SLC22A7: variants seen among roughly 807,000 people sequenced by gnomAD.
SLC22A7 encodes the protein solute carrier family 22 member 7, also known as hOAT2.
A neutral mutation model predicts 62.2 loss-of-function variants in SLC22A7; 48 were observed. That is an observed-to-expected ratio of 0.77 (90% CI 0.61 to 0.98). The LOEUF is 0.98. SLC22A7 is among the 50% of genes least tolerant of loss of function. The pLI is 0.00. For synonymous variants in SLC22A7, 276 were observed against 314.8 expected, an observed-to-expected ratio of 0.88 and a Z score of 1.30; for missense variants, 581 against 703.8, an observed-to-expected ratio of 0.83 and a Z score of 1.97.
Position 43,302,570 on chromosome 6 carries a change from C to G in SLC22A7, c.1277-85C>G. 5.7e-6 allele frequency: 7 copies of G among 1,235,252 alleles called. No individual in the cohort carries two copies. The highest frequency in any genetic ancestry group is 6.9e-6 in the Non-Finnish European group (6 of 871,190). The allele number at this position is 1,235,252 out of a possible 1,614,324, so 76.5% of individuals were successfully genotyped here. Reference sequence around the variant, plus strand: ...AGACTCTCCACCACTTAAGTTTGGCCCACTCTGGAGACTCCGCACCCTATC... The same window carrying G: ...AGACTCTCCACCACTTAAGTTTGGCGCACTCTGGAGACTCCGCACCCTATC... On this transcript the variant is annotated intron_variant, in intron 8 of 10. Coordinates refer to ENST00000372585, the MANE Select transcript of SLC22A7 (RefSeq NM_153320.2). The surrounding 1 kb of genome is among the most constrained non-coding windows in gnomAD (Gnocchi z 5.0).
intron 5 of SLC22A7, 48 bp downstream of exon 5, chr6:43,300,114 A>G (rs1778688369): frequency 6.3e-7 from 1 of 1,587,248 alleles, no homozygotes. Context: ...GAAGTGAAAG[A>G]TGAGATTAAT....
intron 6 of SLC22A7, 122 bp from the exon 7 acceptor site, chr6:43,301,461 G>C: frequency 3.9e-6 from 4 of 1,029,108 alleles, no homozygotes; most frequent in Non-Finnish European, 5.9e-6. Flanking sequence ...CAGCTGCCAT[G>C]AGCATCTCCA....
At position 43,304,792 on chromosome 6, in the gene SLC22A7, C is replaced by T; in HGVS notation, c.*67C>T. ...GGGCTGGGAGAGCAGAAGGGCAGGC[C>T]CTGCAACTCAGGCTGGGAGTATCGA... On this transcript the variant is annotated 3_prime_UTR_variant, in exon 11 of 11. Coordinates refer to ENST00000372585, the MANE Select transcript of SLC22A7 (RefSeq NM_153320.2). 1.5e-6 allele frequency: 2 copies of T among 1,316,356 alleles called. No individual in the cohort carries two copies. The highest frequency in any genetic ancestry group is 2.1e-6 in the Non-Finnish European group (2 of 962,840). The allele number at this position is 1,316,356 out of a possible 1,614,324, so 81.5% of individuals were successfully genotyped here.
chr6:43,302,360 G>C lies in SLC22A7; in HGVS notation c.1222G>C (p.Gly408Arg). 1.2e-6 allele frequency: 2 copies of C among 1,612,456 alleles called. No homozygotes were observed. Among genetic ancestry groups the C allele is most frequent in the Non-Finnish European group, 1.7e-6 (2 of 1,179,826 alleles). ...CGCAGGACGCCGCCTCACGCAAGCC[G>C]GGACACTGCTGGGCACGGCCCTGGC... ...RYAGRRLTQA[G>R]TLLGTALAFG... The change falls in exon 8 of 11, where the codon GGG (glycine) becomes CGG (arginine). Residue 408 changes from glycine (G) to arginine (R), a missense_variant. By Grantham distance (125) the Gly-to-Arg change is moderately radical. Transcript: ENST00000372585. The surrounding 1 kb of genome is among the most constrained non-coding windows in gnomAD (Gnocchi z 5.0).
upstream of SLC22A7, among the ~76,000 whole-genome samples, chr6:43,296,173 G>T (rs902815747): frequency 2.0e-5 from 3 of 152,222 alleles, no homozygotes; most frequent in Admixed American, 6.5e-5. Context: ...CCAAAGTGCT[G>T]GGATTACAGG....
At chr6:43,300,234 C>G in intron 5 of SLC22A7, 168 bp downstream of exon 5, 1 of 696,074 alleles carries the variant, frequency 1.4e-6, no homozygotes, top group South Asian at 1.9e-5. Context: ...AGACAGAGAT[C>G]AACAGAAAGA....
chr6:43,302,392 C>T lies in SLC22A7; in HGVS notation c.1254C>T (p.Gly418=), dbSNP rs766782091. Residue 418 remains glycine, a synonymous_variant, in exon 8 of 11, where the codon GGC becomes GGT. Coordinates refer to ENST00000372585, the MANE Select transcript of SLC22A7 (RefSeq NM_153320.2). The surrounding 1 kb of genome is among the most constrained non-coding windows in gnomAD (Gnocchi z 5.0). ...GTLLGTALAF[G]TRLLVSSDMK... ...TGCTGGGCACGGCCCTGGCGTTCGG[C>T]ACTAGACTGCTAGTGTCCTCCGGTG... 1.9e-6 allele frequency: 3 copies of T among 1,602,354 alleles called. No individual in the cohort carries two copies. The highest frequency in any genetic ancestry group is 2.6e-6 in the Non-Finnish European group (3 of 1,175,662).
In SLC22A7 at chr6:43,299,708, T is replaced by C. The variant is rs368656347; in HGVS notation, c.585T>C (p.Tyr195=). Reference sequence around the variant, plus strand: ...TGGCATCTGCAGCCTCCGTCAGCTATGTAATGTTTGCCATCACCCGCACCC... The same window carrying C: ...TGGCATCTGCAGCCTCCGTCAGCTACGTAATGTTTGCCATCACCCGCACCC... ...LGLASAASVS[Y]VMFAITRTLT... The change falls in exon 4 of 11, where the codon TAT becomes TAC. Residue 195 remains tyrosine, a synonymous_variant. Transcript: ENST00000372585. This position sits in a 1 kb window ranked among gnomAD's most constrained non-coding sequence, Gnocchi z 4.4. 27 of 1,614,054 alleles carry C rather than the reference T, an allele frequency of 1.7e-5. No individual in the cohort carries two copies. Among genetic ancestry groups the C allele is most frequent in the East Asian group, 1.3e-4 (6 of 44,898 alleles).
intron 5 of SLC22A7, 36 bp from the exon 6 acceptor site, chr6:43,301,099 G>C: frequency 5.6e-6 from 9 of 1,613,682 alleles, no homozygotes; most frequent in Non-Finnish European, 7.6e-6. Context: ...TTAGGGTCAT[G>C]ACTTTCTGGC....
rs1319754376 is a variant in SLC22A7 at position 43,301,350 on chromosome 6, G to A, written c.951+92G>A. ...CTCCCTCCCAGAGCCCACCATATAT[G>A]GCAGGAAAAGCCCCTGGGCCCCCAC... On this transcript the variant is annotated intron_variant, in intron 6 of 10. Coordinates refer to ENST00000372585, the MANE Select transcript of SLC22A7 (RefSeq NM_153320.2). 3.9e-6 allele frequency: 6 copies of A among 1,558,256 alleles called. No individual in the cohort carries two copies. In the East Asian group the frequency reaches 1.4e-4, roughly 35 times the overall value.
rs1384717605 is a variant in SLC22A7, at chr6:43,299,441, T to C, written c.451T>C (p.Phe151Leu). 1.2e-6 allele frequency: 2 copies of C among 1,614,028 alleles called. No individual in the cohort carries two copies. The highest frequency in any genetic ancestry group is 3.3e-5 in the Admixed American group (2 of 60,002). ...TCTGAACAGAGCTGCGTCCACTTTC[T>C]TCTTCGCCGGTGTGCTGGTGGGGGC... ...KGLNRAASTF[F>L]FAGVLVGAVA... The change falls in exon 3 of 11, where the codon TTC becomes CTC. Residue 151 changes from phenylalanine (F) to leucine (L), a missense_variant. Phe to Leu is a conservative substitution (Grantham distance 22, BLOSUM62 0). Coordinates refer to ENST00000372585, the MANE Select transcript of SLC22A7 (RefSeq NM_153320.2). The surrounding 1 kb of genome is among the most constrained non-coding windows in gnomAD (Gnocchi z 4.4).
rs1778803052 is a variant in SLC22A7, at chr6:43,302,829, C to A, written c.1385+66C>A. ...TAGTCACGTGTCTTAACCAACACTT[C>A]TACATACACGCACCACAACCTGGTC... On this transcript the variant is annotated intron_variant, in intron 9 of 10. Transcript: ENST00000372585. The surrounding 1 kb of genome is among the most constrained non-coding windows in gnomAD (Gnocchi z 5.0). The A allele has an allele frequency of 9.7e-7, 1 of 1,028,816 alleles. No individual in the cohort carries two copies. Among genetic ancestry groups the A allele is most frequent in the Non-Finnish European group, 1.5e-6 (1 of 673,246 alleles). The allele number at this position is 1,028,816 out of a possible 1,614,324, so 63.7% of individuals were successfully genotyped here.
upstream of SLC22A7, among the ~76,000 whole-genome samples, chr6:43,296,804 T>C (rs1193736149): frequency 6.6e-6 from 1 of 152,164 alleles, no homozygotes; most frequent in African/African-American, 2.4e-5. Flanking sequence ...GAGCTAGACT[T>C]TCCCCCTCAG....
chr6:43,305,007 A>G lies in SLC22A7; in HGVS notation c.*282A>G, dbSNP rs1582558888. The stretch of plus-strand genomic sequence containing the variant: ...TGGGGCAGTGGTGACGAGCTGTGGG[A>G]AGAGCCCTGGATAGGAAGCCACTGA... On this transcript the variant is annotated 3_prime_UTR_variant, in exon 11 of 11. Transcript: ENST00000372585. 3.2e-6 allele frequency: 1 copy of G among 313,614 alleles called. No individual in the cohort carries two copies. The highest frequency in any genetic ancestry group is 5.4e-5 in the East Asian group (1 of 18,470). The allele number at this position is 313,614 out of a possible 1,614,324, so 19.4% of individuals were successfully genotyped here. A position where few individuals can be genotyped will look rare whatever the true frequency, so the allele number is the denominator to read the frequency against.
intron 5 of SLC22A7, among the ~76,000 whole-genome samples, chr6:43,300,437 T>C (rs1778700797): frequency 6.6e-6 from 1 of 152,006 alleles, no homozygotes; most frequent in African/African-American, 2.4e-5. Flanking sequence ...TAAAGATGAC[T>C]TGGCCTTGGA....
chr6:43,303,173 C>T (rs1582554636), intron 9 of SLC22A7: 1 of 985,288 alleles, frequency 1.0e-6, no homozygotes, highest in Middle Eastern at 5.2e-4. Flanking sequence ...AAGAAAACAA[C>T]CCCAAGGCCG....
At position 43,304,184 on chromosome 6, in the gene SLC22A7, TGCTGCCAGAGACGAGGCAGGCACA is replaced by T. The variant is rs766741404; in HGVS notation, c.1545_1568del (p.Arg516_Thr523del). 1.3e-6 allele frequency: 2 copies of T among 1,598,924 alleles called. No homozygotes were observed. Among genetic ancestry groups the T allele is most frequent in the South Asian group, 1.1e-5 (1 of 89,084 alleles). Reference sequence around the variant, plus strand: ...CTGCTGGCTGCCGGCACCGCCCTCCTGCTGCCAGAGACGAGGCAGGCACAGCTGCCAGAGACCATCCAGGACGTG... The same window carrying T: ...CTGCTGGCTGCCGGCACCGCCCTCCTGCTGCCAGAGACCATCCAGGACGTG... On this transcript the variant is annotated inframe_deletion, in exon 10 of 11. Coordinates refer to ENST00000372585, the MANE Select transcript of SLC22A7 (RefSeq NM_153320.2).
chr6:43,303,188 C>T, intron 9 of SLC22A7: 1 of 984,940 alleles, frequency 1.0e-6, no homozygotes, highest in East Asian at 1.1e-4. Flanking sequence ...AGGCCGGGCA[C>T]TGTGGCTCAC....
At chr6:43,301,559 C>A in intron 6 of SLC22A7, 24 bp from the exon 7 acceptor site, 4 of 1,588,486 alleles carry the variant, frequency 2.5e-6, no homozygotes, top group Non-Finnish European at 3.5e-6. Flanking sequence ...TCTGATGTTA[C>A]AACCTCACCT....
Sources: gnomAD v4.1 joint callset for allele counts (sites outside exome capture counted in the v4.1 genomes callset) on GRCh38, gnomAD v4.1.1 for gene constraint, Gnocchi (gnomAD v3.1) non-coding constraint, MANE v1.5 for transcripts, NCBI Gene and HGNC (gene_info 2026-07-23, HGNC 2026-07-21) for gene names.